ZMAT4: variants seen among roughly 807,000 people sequenced by gnomAD.
ZMAT4 encodes the protein zinc finger matrin-type 4, also known as zinc finger matrin-type protein 4.
In ZMAT4, 17 loss-of-function variants were observed where a neutral mutation model predicts 28.7. That is an observed-to-expected ratio of 0.59 (90% CI 0.41 to 0.89). ZMAT4 has a LOEUF of 0.89. ZMAT4 is among the 40% of genes least tolerant of loss of function. The pLI is 0.00. For synonymous variants in ZMAT4, 117 were observed against 109.2 expected (o/e 1.07, Z -0.44); for missense variants, 240 against 283.8 (o/e 0.85, Z 1.11).
intron 5 of ZMAT4, among the ~76,000 whole-genome samples, chr8:40,664,653 C>T (rs1808330429): frequency 6.6e-6 from 1 of 152,166 alleles, no homozygotes; most frequent in Non-Finnish European, 1.5e-5. Flanking sequence ...AACCTCAAGG[C>T]AGAATCACTG....
chr8:40,708,144 C>T (rs1810442748), intron 3 of ZMAT4, among the ~76,000 whole-genome samples: 1 of 152,170 alleles, frequency 6.6e-6, no homozygotes, highest in African/African-American at 2.4e-5. Context: ...TGCATGCTAT[C>T]AGCATCTGTG....
At chr8:40,807,031 A>G (rs975863880) in intron 2 of ZMAT4, among the ~76,000 whole-genome samples, 5 of 151,250 alleles carry the variant, frequency 3.3e-5, no homozygotes, top group Admixed American at 1.3e-4. Context: ...CTTTCTGTGT[A>G]CCACTGTCAG....
chr8:40,557,859 A>T (rs771633275), intron 6 of ZMAT4, among the ~76,000 whole-genome samples: 1 of 152,178 alleles, frequency 6.6e-6, no homozygotes, highest in Non-Finnish European at 1.5e-5. Context: ...AGATGAATGG[A>T]TGGATGGATA....
chr8:40,887,037 G>C lies in ZMAT4; in HGVS notation c.-5+10646C>G, dbSNP rs189305285. Among the ~76,000 whole-genome samples, 912 of 152,124 alleles carry C rather than the reference G, an allele frequency of 6.0e-3. 13 individuals are homozygous for C. The highest frequency in any genetic ancestry group is 0.021 in the African/African-American group (891 of 41,492). On this transcript the variant is annotated intron_variant, in intron 1 of 6. Transcript: ENST00000297737. ...ATACAAAAAATTAACCTGGCGTGGT[G>C]GCGGGCGCCTGTAGTCCCAGCTACT... is the stretch of plus-strand genomic sequence containing the variant.
At chr8:40,781,761 CAAAAAAAAAAAAAAAAAA>C (rs59432510) in intron 2 of ZMAT4, among the ~76,000 whole-genome samples, 3 of 38,522 alleles carry the variant, frequency 7.8e-5, no homozygotes, top group Non-Finnish European at 1.1e-4. Flanking sequence ...GACTCCGTCT[CAAAAAAAAAAAAAAAAAA>C]AAAAAAAAAA....
At chr8:40,547,721 C>T (rs1157640693) in intron 6 of ZMAT4, among the ~76,000 whole-genome samples, 1 of 152,142 alleles carries the variant, frequency 6.6e-6, no homozygotes, top group Non-Finnish European at 1.5e-5. Context: ...CACCCATCAA[C>T]CTGTCATCTA....
intron 1 of ZMAT4, among the ~76,000 whole-genome samples, chr8:40,853,947 T>C (rs1454954431): frequency 2.0e-5 from 3 of 152,182 alleles, no homozygotes; most frequent in Non-Finnish European, 4.4e-5. Flanking sequence ...ACAGGAAGCA[T>C]GGTGCCAGCA....
intron 5 of ZMAT4, among the ~76,000 whole-genome samples, chr8:40,604,423 T>C (rs1410182203): frequency 6.6e-6 from 1 of 152,212 alleles, no homozygotes; most frequent in Non-Finnish European, 1.5e-5. Context: ...AGGGTTTTGA[T>C]CATAAAGTGA....
chr8:40,533,446 T>TG (rs1802755769), intron 6 of ZMAT4, among the ~76,000 whole-genome samples: 1 of 152,164 alleles, frequency 6.6e-6, no homozygotes, highest in Admixed American at 6.5e-5. Context: ...GAGGGAAGGG[T>TG]GGCAAAAGTG....
chr8:40,673,524 G>C (rs993541189), intron 5 of ZMAT4, among the ~76,000 whole-genome samples: 3 of 152,058 alleles, frequency 2.0e-5, no homozygotes, highest in Non-Finnish European at 4.4e-5. Context: ...GCCCACAAAA[G>C]CTCATCAAAC....
chr8:40,644,492 A>AACAATC lies in ZMAT4; in HGVS notation c.577+30211_577+30212insGATTGT, dbSNP rs544836022. Among the ~76,000 whole-genome samples, 667 of 152,334 alleles carry AACAATC rather than the reference A, an allele frequency of 4.4e-3. 7 individuals are homozygous for AACAATC. The highest frequency in any genetic ancestry group is 7.5e-3 in the Non-Finnish European group (508 of 68,018). ...CAATAGCAAAATCTAGAGCAATTTG[A>AACAATC]ACAATAAAATAATCACAGTAGAATT... On this transcript the variant is annotated intron_variant, in intron 5 of 6. Coordinates refer to ENST00000297737, the MANE Select transcript of ZMAT4 (RefSeq NM_024645.3).
intron 3 of ZMAT4, among the ~76,000 whole-genome samples, chr8:40,728,008 T>C (rs570162398): frequency 2.6e-5 from 4 of 152,290 alleles, no homozygotes; most frequent in Admixed American, 2.0e-4. Flanking sequence ...GGATTAGTGC[T>C]AGGAAATAAA....
At chr8:40,651,021 C>T (rs1807618420) in intron 5 of ZMAT4, among the ~76,000 whole-genome samples, 2 of 151,256 alleles carry the variant, frequency 1.3e-5, no homozygotes, top group African/African-American at 4.9e-5. Context: ...TGGCACAAGA[C>T]AGGGATGCCC....
At chr8:40,534,398 G>C (rs1481257174) in intron 6 of ZMAT4, among the ~76,000 whole-genome samples, 3 of 152,272 alleles carry the variant, frequency 2.0e-5, no homozygotes, top group African/African-American at 7.2e-5. Flanking sequence ...TTTTTCATCT[G>C]AGAGATAAGC....
At chr8:40,621,960 C>T (rs1806216690) in intron 5 of ZMAT4, among the ~76,000 whole-genome samples, 1 of 152,148 alleles carries the variant, frequency 6.6e-6, no homozygotes, top group Admixed American at 6.5e-5. Flanking sequence ...TAAAAAGGCA[C>T]TATCAATATT....
At chr8:40,556,825 T>A (rs1803555874) in intron 6 of ZMAT4, among the ~76,000 whole-genome samples, 1 of 152,192 alleles carries the variant, frequency 6.6e-6, no homozygotes, top group Non-Finnish European at 1.5e-5. Context: ...ATCATTTCTA[T>A]TTGTTAGGAC....
chr8:40,781,638 T>G (rs71519579), intron 2 of ZMAT4, among the ~76,000 whole-genome samples: 1 of 146,328 alleles, frequency 6.8e-6, no homozygotes, highest in Non-Finnish European at 1.5e-5. Flanking sequence ...GGCGGGCGCC[T>G]GTAGTCCCAG....
chr8:40,714,990 A>C (rs1422703135), intron 3 of ZMAT4, among the ~76,000 whole-genome samples: 1 of 144,934 alleles, frequency 6.9e-6, no homozygotes, highest in Non-Finnish European at 1.5e-5. Context: ...CGGAGGTTGC[A>C]GTGAGCCGAG....
At chr8:40,797,433 A>G (rs1421820621) in intron 2 of ZMAT4, among the ~76,000 whole-genome samples, 3 of 152,230 alleles carry the variant, frequency 2.0e-5, no homozygotes, top group Admixed American at 2.0e-4. Flanking sequence ...CTAAGAGCCC[A>G]ATACATCCTT....
Sources: allele counts gnomAD v4.1 joint callset (sites outside exome capture counted in the v4.1 genomes callset), GRCh38; gene constraint gnomAD v4.1.1; transcripts MANE v1.5; gene names NCBI Gene and HGNC (gene_info 2026-07-23, HGNC 2026-07-21).